Variants in CEP89 observed in about 807,000 individuals in gnomAD.
The protein encoded by CEP89 is centrosomal protein of 89 kDa.
A neutral mutation model predicts 97.6 loss-of-function variants in CEP89; 95 were observed. That is an observed-to-expected ratio of 0.97 (90% confidence interval 0.82 to 1.15). The LOEUF (loss-of-function observed/expected upper bound fraction) is 1.15. Ranked by LOEUF, CEP89 falls within the 50% of genes most tolerant of loss-of-function variation. CEP89 has a pLI of 0.00. For missense variants in CEP89, 869 were observed against 947.7 expected (o/e 0.92, Z 1.09); for synonymous variants, 354 against 349.1 (o/e 1.01, Z -0.16).
intron 14 of CEP89, among the ~76,000 whole-genome samples, chr19:32,912,357 A>G (rs1029040745): frequency 1.3e-5 from 2 of 152,192 alleles, no homozygotes; most frequent in African/African-American, 4.8e-5. Context: ...ATTTACAATC[A>G]GTTGACTTTA....
rs751090550 is a variant in CEP89 at position 32,953,632 on chromosome 19, C to T, written c.475G>A (p.Val159Met). The T allele has an allele frequency of 1.9e-6, 3 of 1,607,276 alleles. No individual in the cohort carries two copies. The highest frequency in any genetic ancestry group is 2.6e-6 in the Non-Finnish European group (3 of 1,176,300). Residue 159 changes from valine (V) to methionine (M), a missense_variant, in exon 4 of 19, where the codon GTG becomes ATG. Transcript: ENST00000305768. The stretch of plus-strand genomic sequence containing the variant: ...GAAAACACCTGATTTCTGTGTGGCA[C>T]AGCGTACAGGTCATCACTGTGGCCT... The part of the protein sequence containing the change: ...RGGHSDDLYA[V>M]PHRNQVPLLH...
chr19:32,917,729 G>C, intron 13 of CEP89: 1 of 912,910 alleles, frequency 1.1e-6, no homozygotes, highest in Non-Finnish European at 1.3e-6. Flanking sequence ...GAATGCATGG[G>C]AAGAGATGGG....
intron 2 of CEP89, chr19:32,963,613 C>T (rs1971214765): frequency 6.6e-6 from 1 of 152,150 alleles, no homozygotes; most frequent in Admixed American, 6.6e-5. Context: ...CTTTAAGACA[C>T]TGCCCCTGGC....
chr19:32,903,040 G>C (rs1291386585), intron 14 of CEP89, among the ~76,000 whole-genome samples: 1 of 152,052 alleles, frequency 6.6e-6, no homozygotes, highest in East Asian at 1.9e-4. Context: ...ACAAAAATCA[G>C]CTTTGAAAGA....
At chr19:32,896,251 G>T (rs1202164085) in intron 16 of CEP89, among the ~76,000 whole-genome samples, 1 of 152,108 alleles carries the variant, frequency 6.6e-6, no homozygotes, top group Admixed American at 6.6e-5. Flanking sequence ...AAATAGCACA[G>T]TATCAGTACA....
At chr19:32,918,149 G>A (rs1402319445) in intron 13 of CEP89, 75 bp downstream of exon 13, 1 of 1,230,604 alleles carries the variant, frequency 8.1e-7, no homozygotes, top group African/African-American at 1.5e-5. Flanking sequence ...GGGGCCCCCG[G>A]CAGGAGAGAG....
Position 32,925,840 on chromosome 19 carries a change from G to A in CEP89, c.1164+350C>T, listed in dbSNP as rs199548254. On this transcript the variant is annotated intron_variant, in intron 11 of 18. Transcript: ENST00000305768. Reference sequence around the variant, plus strand: ...GCAGCTGCACAGTAACAGGAAAGAAGCACTTCCCCCCTGCTGTCTTCCCTG... The same window carrying A: ...GCAGCTGCACAGTAACAGGAAAGAAACACTTCCCCCCTGCTGTCTTCCCTG... Among the ~76,000 whole-genome samples, 5 of 152,114 alleles carry A rather than the reference G, an allele frequency of 3.3e-5. No homozygotes were observed. In the South Asian group the frequency reaches 1.0e-3, roughly 32 times the overall value.
At chr19:32,907,993 C>T (rs987705349) in intron 14 of CEP89, among the ~76,000 whole-genome samples, 1 of 152,218 alleles carries the variant, frequency 6.6e-6, no homozygotes, top group South Asian at 2.1e-4. Context: ...GTGTTCAGTA[C>T]AGTAACATGC....
intron 14 of CEP89, among the ~76,000 whole-genome samples, chr19:32,911,145 T>C (rs972382516): frequency 6.6e-6 from 1 of 152,208 alleles, no homozygotes; most frequent in Non-Finnish European, 1.5e-5. Context: ...CACTAAGTGA[T>C]AGGAATTTTT....
chr19:32,877,211 T>G lies in CEP89; in HGVS notation c.*1951A>C, dbSNP rs550564516. The G allele has an allele frequency of 1.9e-4, 29 of 152,348 alleles. No individual in the cohort carries two copies. The highest frequency in any genetic ancestry group is 6.3e-4 in the African/African-American group (26 of 41,576). 9.4% of individuals were successfully genotyped at this position (152,348 alleles called of 1,614,324 possible). ...ATGATTCAACTGTTGAACAAGCTTA[T>G]AGAGTCATAAAAGAACTATGATTTT... is the stretch of plus-strand genomic sequence containing the variant. On this transcript the variant is annotated 3_prime_UTR_variant, in exon 19 of 19. Transcript: ENST00000305768.
intron 4 of CEP89, among the ~76,000 whole-genome samples, chr19:32,951,912 TG>T (rs1970928055): frequency 6.6e-6 from 1 of 152,030 alleles, no homozygotes; most frequent in African/African-American, 2.4e-5. Context: ...TCTAGAACAG[TG>T]GAGAGATATG....
At chr19:32,925,299 C>T (rs997712732) in intron 11 of CEP89, among the ~76,000 whole-genome samples, 6 of 152,100 alleles carry the variant, frequency 3.9e-5, no homozygotes, top group Admixed American at 6.5e-5. Flanking sequence ...GAACGAGCTC[C>T]GCTGCGCGAA....
rs1970576373 is a variant in CEP89 at position 32,936,148 on chromosome 19, C to G, written c.667+1483G>C. On this transcript the variant is annotated intron_variant, in intron 7 of 18. Coordinates refer to ENST00000305768, the MANE Select transcript of CEP89 (RefSeq NM_032816.5). This position sits in a 1 kb window ranked among gnomAD's most constrained non-coding sequence, Gnocchi z 4.5. ...TGGGTGTTTGCTCTAGCTGCCTGGTCTCTCCCTGCTCCTGGTGCCTGCTCC... is the reference window on the plus strand; with the variant it reads ...TGGGTGTTTGCTCTAGCTGCCTGGTGTCTCCCTGCTCCTGGTGCCTGCTCC... Among the ~76,000 whole-genome samples, 1 of 152,158 alleles carries G rather than the reference C, an allele frequency of 6.6e-6. No homozygotes were observed. Among genetic ancestry groups the G allele is most frequent in the Admixed American group, 6.5e-5 (1 of 15,280 alleles).
intron 16 of CEP89, among the ~76,000 whole-genome samples, chr19:32,896,195 A>ATT (rs1166699926): frequency 6.6e-6 from 1 of 152,230 alleles, no homozygotes; most frequent in Non-Finnish European, 1.5e-5. Context: ...AGCTGAAGGT[A>ATT]TTACCCTACC....
At chr19:32,917,133 A>G (rs911409028) in intron 13 of CEP89, among the ~76,000 whole-genome samples, 3 of 152,222 alleles carry the variant, frequency 2.0e-5, no homozygotes, top group African/African-American at 4.8e-5. Flanking sequence ...TGTGACCAGA[A>G]ATCCTCTTTC....
At chr19:32,886,355 A>G (rs534497921) in intron 17 of CEP89, among the ~76,000 whole-genome samples, 3 of 152,062 alleles carry the variant, frequency 2.0e-5, no homozygotes, top group Admixed American at 1.3e-4. Flanking sequence ...GTCCTTCCAG[A>G]CTTCCCATGT....
intron 14 of CEP89, among the ~76,000 whole-genome samples, chr19:32,907,316 G>C (rs909826873): frequency 1.1e-4 from 16 of 152,148 alleles, no homozygotes; most frequent in African/African-American, 3.9e-4. Flanking sequence ...AGCCATGATT[G>C]AGCCACTTCA....
At chr19:32,948,900 T>C (rs1970854566) in intron 4 of CEP89, among the ~76,000 whole-genome samples, 1 of 152,140 alleles carries the variant, frequency 6.6e-6, no homozygotes, top group South Asian at 2.1e-4. Context: ...AATTTTTTTT[T>C]TATTTTTTGT....
chr19:32,937,748 C>A lies in CEP89; in HGVS notation c.625-75G>T. 3 of 968,388 alleles carry A rather than the reference C, an allele frequency of 3.1e-6. No homozygotes were observed. The South Asian group carries it at 4.2e-5, about 14-fold the overall frequency. 60.0% of individuals were successfully genotyped at this position (968,388 alleles called of 1,614,324 possible). ...ATAAAGTGGACACACGCAGCTAGGT[C>A]ATTAGACAGCAGGTATATAAGCATG... On this transcript the variant is annotated intron_variant, in intron 6 of 18. Coordinates refer to ENST00000305768, the MANE Select transcript of CEP89 (RefSeq NM_032816.5).
Sources: allele counts gnomAD v4.1 joint callset (sites outside exome capture counted in the v4.1 genomes callset), GRCh38; gene constraint gnomAD v4.1.1; non-coding constraint Gnocchi (gnomAD v3.1); transcripts MANE v1.5; gene names NCBI Gene and HGNC (gene_info 2026-07-23, HGNC 2026-07-21).